Variants in PLPPR4 observed in about 807,000 individuals in gnomAD.
PLPPR4 encodes the protein phospholipid phosphatase-related protein type 4.
PLPPR4 carries 24 observed loss-of-function variants against 56.6 expected under a neutral mutation model. That is an observed-to-expected ratio of 0.42 (90% CI 0.31 to 0.60). The LOEUF (loss-of-function observed/expected upper bound fraction) is 0.60, where lower values mean the gene tolerates loss of function less well. PLPPR4 is among the 20% of genes least tolerant of loss of function. PLPPR4 has a pLI of 0.13. For synonymous variants in PLPPR4, 326 were observed against 328.1 expected (o/e 0.99, Z 0.07); for missense variants, 654 against 885.8 (o/e 0.74, Z 3.32).
intron 1 of PLPPR4, among the ~76,000 whole-genome samples, chr1:99,266,739 G>T (rs1658908607): frequency 6.6e-6 from 1 of 152,188 alleles, no homozygotes; most frequent in Non-Finnish European, 1.5e-5. Flanking sequence ...CACACAATTG[G>T]ATTGCAAATT....
intron 1 of PLPPR4, 97 bp downstream of exon 1, chr1:99,264,768 C>T (rs1412268560): frequency 1.5e-6 from 2 of 1,345,338 alleles, no homozygotes; most frequent in Non-Finnish European, 2.1e-6. Context: ...GAGATCCTGC[C>T]GGGCGCGCGC....
intron 1 of PLPPR4, among the ~76,000 whole-genome samples, chr1:99,277,893 C>A (rs576793764): frequency 6.6e-6 from 1 of 152,004 alleles, no homozygotes. Context: ...TTAGTTATGT[C>A]ACATTTGCCT....
chr1:99,270,044 T>TGTGTGG (rs1491505013), intron 1 of PLPPR4, among the ~76,000 whole-genome samples: 6 of 134,836 alleles, frequency 4.4e-5, no homozygotes, highest in Non-Finnish European at 9.7e-5. Context: ...TGTGTGTGTG[T>TGTGTGG]GGCAGGGTCT....
In PLPPR4 at chr1:99,306,986, C is replaced by G. The variant is rs1660047051; in HGVS notation, c.2124C>G (p.Ser708=). The G allele has an allele frequency of 3.7e-6, 6 of 1,605,230 alleles. No individual in the cohort carries two copies. The highest frequency in any genetic ancestry group is 4.2e-6 in the Non-Finnish European group (5 of 1,178,476). ...NTRNIFYKGT[S]PTRAYKD ...GAAATATCTTCTACAAAGGAACCTCCCCCACACGGGCTTATAAGGATTGAG... is the reference window on the plus strand; with the variant it reads ...GAAATATCTTCTACAAAGGAACCTCGCCCACACGGGCTTATAAGGATTGAG... The change falls in exon 7 of 7, where the codon TCC becomes TCG. Residue 708 remains serine, a synonymous_variant. Transcript: ENST00000370185. The surrounding 1 kb of genome is among the most constrained non-coding windows in gnomAD (Gnocchi z 4.0).
Position 99,305,821 on chromosome 1 carries a change from G to A in PLPPR4, c.959G>A (p.Gly320Glu). 6.2e-7 allele frequency: 1 copy of A among 1,614,064 alleles called. No individual in the cohort carries two copies. The highest frequency in any genetic ancestry group is 8.5e-7 in the Non-Finnish European group (1 of 1,180,014). ...GCTAAAAATGGTAGCAGCAGTGATG[G>A]AATTGCTCATACAGAAGGCATCCTC... ...LSAKNGSSSDGIAHTEGILNR... is the reference protein window; with the variant it reads ...LSAKNGSSSDEIAHTEGILNR... The change falls in exon 7 of 7, where the codon GGA (glycine) becomes GAA (glutamate). Residue 320 changes from glycine to glutamate, a missense_variant. Physicochemically the swap from Gly to Glu is moderately conservative, Grantham distance 98. Coordinates refer to ENST00000370185, the MANE Select transcript of PLPPR4 (RefSeq NM_014839.5).
chr1:99,286,322 A>G (rs904640609), intron 1 of PLPPR4, among the ~76,000 whole-genome samples: 1 of 152,192 alleles, frequency 6.6e-6, no homozygotes, highest in African/African-American at 2.4e-5. Flanking sequence ...CATTTATTCA[A>G]TTATCTAGTT....
At chr1:99,264,351 C>A, upstream of PLPPR4, 1 of 1,034,554 alleles carries the variant, frequency 9.7e-7, no homozygotes, top group Non-Finnish European at 1.3e-6. Context: ...GCCAGAAAAA[C>A]GGGGAGCAGG....
At chr1:99,281,160 C>A (rs564591442) in intron 1 of PLPPR4, among the ~76,000 whole-genome samples, 6 of 152,156 alleles carry the variant, frequency 3.9e-5, no homozygotes, top group African/African-American at 7.2e-5. Context: ...TGTAAAAAAA[C>A]CCCTCATTTC....
intron 4 of PLPPR4, among the ~76,000 whole-genome samples, chr1:99,300,552 A>T (rs896312164): frequency 2.0e-5 from 3 of 152,022 alleles, no homozygotes; most frequent in African/African-American, 7.2e-5. Flanking sequence ...TTAAACCCCT[A>T]GGTTTTATGA....
At chr1:99,290,828 A>G (rs1009270559) in intron 2 of PLPPR4, among the ~76,000 whole-genome samples, 1 of 152,138 alleles carries the variant, frequency 6.6e-6, no homozygotes, top group Non-Finnish European at 1.5e-5. Flanking sequence ...AAAACCCAAC[A>G]CTATAAAAAC....
intron 1 of PLPPR4, among the ~76,000 whole-genome samples, chr1:99,276,534 A>G (rs1427614665): frequency 2.0e-5 from 3 of 152,260 alleles, no homozygotes; most frequent in East Asian, 3.9e-4. Flanking sequence ...TGTTAAGATT[A>G]TATGTCAATT....
Position 99,308,958 on chromosome 1 carries a change from T to C in PLPPR4, c.*1948T>C, listed in dbSNP as rs1398783880. 6.6e-6 allele frequency: 1 copy of C among 152,604 alleles called. No individual in the cohort carries two copies. The highest frequency in any genetic ancestry group is 2.4e-5 in the African/African-American group (1 of 41,442). 9.5% of individuals were successfully genotyped at this position (152,604 alleles called of 1,614,324 possible). Reference sequence around the variant, plus strand: ...CAAACAAAAACCCCTGCTGCAGCATTTCAGGTGCAGTATGATATTTCCTAA... The same window carrying C: ...CAAACAAAAACCCCTGCTGCAGCATCTCAGGTGCAGTATGATATTTCCTAA... On this transcript the variant is annotated 3_prime_UTR_variant, in exon 7 of 7. Coordinates refer to ENST00000370185, the MANE Select transcript of PLPPR4 (RefSeq NM_014839.5).
At chr1:99,269,814 G>A (rs748785484) in intron 1 of PLPPR4, among the ~76,000 whole-genome samples, 9 of 152,070 alleles carry the variant, frequency 5.9e-5, no homozygotes, top group Non-Finnish European at 1.0e-4. Flanking sequence ...TTATTCATAC[G>A]AGAAAACACA....
chr1:99,288,177 T>C, intron 2 of PLPPR4, 27 bp downstream of exon 2: 2 of 1,606,530 alleles, frequency 1.2e-6, no homozygotes, highest in Non-Finnish European at 1.7e-6. Context: ...AAATTGTGTT[T>C]ATCTGTCCTG....
intron 2 of PLPPR4, among the ~76,000 whole-genome samples, chr1:99,295,939 T>C (rs1570920475): frequency 1.3e-5 from 2 of 152,290 alleles, no homozygotes; most frequent in South Asian, 4.1e-4. Context: ...GGAGATGTGA[T>C]TCAATTTAGG....
intron 2 of PLPPR4, among the ~76,000 whole-genome samples, chr1:99,293,783 G>T (rs1249743076): frequency 6.6e-6 from 1 of 152,052 alleles, no homozygotes; most frequent in Non-Finnish European, 1.5e-5. Flanking sequence ...TTGTTGTTTT[G>T]TTTTACAAGA....
In PLPPR4 at chr1:99,305,719, A is replaced by G. The variant is rs1416229677; in HGVS notation, c.857A>G (p.Asp286Gly). The G allele has an allele frequency of 6.2e-7, 1 of 1,613,738 alleles. No individual in the cohort carries two copies. The highest frequency in any genetic ancestry group is 2.2e-5 in the East Asian group (1 of 44,868). The change falls in exon 7 of 7, where the codon GAT becomes GGT. Residue 286 changes from aspartate (D) to glycine (G), a missense_variant. Asp to Gly is a moderately conservative substitution (Grantham distance 94, BLOSUM62 -1). This residue lies in a region of PLPPR4 where 468 missense variants were observed against 554.3 expected (regional missense o/e 0.84). Transcript: ENST00000370185. ...GCTGTGGGGAATTTCCTGCCCAGTG[A>G]TGAGAGTATGTTTCAGCACAGAGAC... ...LYAVGNFLPS[D>G]ESMFQHRDAL...
chr1:99,283,282 G>A (rs1659376266), intron 1 of PLPPR4, among the ~76,000 whole-genome samples: 1 of 152,108 alleles, frequency 6.6e-6, no homozygotes, highest in Non-Finnish European at 1.5e-5. Flanking sequence ...GAACTGATCT[G>A]TATTGCCCTA....
chr1:99,299,743 C>T (rs1182622308), intron 4 of PLPPR4, among the ~76,000 whole-genome samples: 3 of 151,900 alleles, frequency 2.0e-5, no homozygotes, highest in Non-Finnish European at 2.9e-5. Flanking sequence ...GACTCTGTGA[C>T]ATAATTTCAT....
Sources: gnomAD v4.1 joint callset for allele counts (sites outside exome capture counted in the v4.1 genomes callset) on GRCh38, gnomAD v4.1.1 for gene constraint, gnomAD v4.1.1 regional missense constraint, Gnocchi (gnomAD v3.1) non-coding constraint, MANE v1.5 for transcripts, NCBI Gene and HGNC (gene_info 2026-07-23, HGNC 2026-07-21) for gene names.